The following HECA variants were observed in gnomAD, a reference collection of about 807,000 sequenced individuals.
HECA encodes HECA ribonucleoprotein granule regulator.
In HECA, 13 loss-of-function variants were observed where a neutral mutation model predicts 37.6. The observed-to-expected ratio is 0.35, with a 90% CI of 0.23 to 0.55. HECA has a LOEUF of 0.55. Ranked by LOEUF, HECA falls within the 20% of genes least tolerant of loss-of-function variation. The probability of loss-of-function intolerance (pLI) is 0.90; values close to 1 mark genes in which losing one functional copy is unlikely to be tolerated. For missense variants in HECA, 527 were observed against 701.9 expected (o/e 0.75, Z 2.82); for synonymous variants, 307 against 291.5 (o/e 1.05, Z -0.54).
Position 139,178,338 on chromosome 6 carries a change from C to T in HECA, c.*1233C>T, listed in dbSNP as rs185007344. On this transcript the variant is annotated 3_prime_UTR_variant, in exon 4 of 4. Transcript: ENST00000367658. Reference sequence around the variant, plus strand: ...GATTTTAATGCTTTAAATAGACTGACGTCGCATACCCTTATAGAATTGGAA... The same window carrying T: ...GATTTTAATGCTTTAAATAGACTGATGTCGCATACCCTTATAGAATTGGAA... The T allele has an allele frequency of 2.0e-5, 3 of 152,176 alleles. No homozygotes were observed. Among genetic ancestry groups the T allele is most frequent in the Admixed American group, 6.5e-5 (1 of 15,286 alleles). The allele number at this position is 152,176 out of a possible 1,614,324, so 9.4% of individuals were successfully genotyped here.
intron 1 of HECA, among the ~76,000 whole-genome samples, chr6:139,150,572 T>C (rs1774638468): frequency 6.6e-6 from 1 of 150,564 alleles, no homozygotes; most frequent in Non-Finnish European, 1.5e-5. Context: ...TTTGGACATA[T>C]GAGTTAGAAT....
At position 139,177,154 on chromosome 6, in the gene HECA, T is replaced by G; in HGVS notation, c.*49T>G. ...CTATTTTATTGATATTATTACTTTA[T>G]TACATATCTTTTATAGGGAAACATT... is the stretch of plus-strand genomic sequence containing the variant. On this transcript the variant is annotated 3_prime_UTR_variant, in exon 4 of 4. Transcript: ENST00000367658. The surrounding 1 kb of genome is among the most constrained non-coding windows in gnomAD (Gnocchi z 4.9). The G allele has an allele frequency of 1.4e-6, 1 of 735,836 alleles. No homozygotes were observed. The highest frequency in any genetic ancestry group is 2.4e-6 in the Non-Finnish European group (1 of 423,672). 45.6% of individuals were successfully genotyped at this position (735,836 alleles called of 1,614,324 possible).
chr6:139,146,828 A>G (rs1367607699), intron 1 of HECA, among the ~76,000 whole-genome samples: 1 of 152,218 alleles, frequency 6.6e-6, no homozygotes, highest in African/African-American at 2.4e-5. Context: ...TACATGTCAC[A>G]GTGACTTTCT....
intron 1 of HECA, among the ~76,000 whole-genome samples, chr6:139,145,628 A>T (rs1257945162): frequency 6.6e-6 from 1 of 152,202 alleles, no homozygotes; most frequent in African/African-American, 2.4e-5. Context: ...AATTAAATTG[A>T]CAAGAGACAG....
chr6:139,170,187 A>G (rs1429416223), intron 2 of HECA: 5 of 152,198 alleles, frequency 3.3e-5, no homozygotes, highest in African/African-American at 1.2e-4. Flanking sequence ...GAAGATGAAT[A>G]TGGGTACAGC....
intron 1 of HECA, among the ~76,000 whole-genome samples, chr6:139,143,274 T>C (rs922492074): frequency 6.6e-6 from 1 of 152,208 alleles, no homozygotes; most frequent in Non-Finnish European, 1.5e-5. Flanking sequence ...GCCTGGCAGA[T>C]ATGAGCCCTG....
intron 1 of HECA, chr6:139,151,374 T>G (rs1457033161): frequency 6.6e-6 from 1 of 152,232 alleles, no homozygotes; most frequent in Non-Finnish European, 1.5e-5. Flanking sequence ...TTTATTGATT[T>G]AAATACAGTA....
At chr6:139,136,780 G>A (rs1285211430) in intron 1 of HECA, among the ~76,000 whole-genome samples, 1 of 151,944 alleles carries the variant, frequency 6.6e-6, no homozygotes, top group Non-Finnish European at 1.5e-5. Flanking sequence ...GATTACAGGC[G>A]CCCGCCACCA....
chr6:139,166,039 A>C (rs969933702), intron 1 of HECA: 23 of 400,672 alleles, frequency 5.7e-5, no homozygotes, highest in Non-Finnish European at 9.7e-5. Flanking sequence ...TATTCAGGAC[A>C]ACCTAAAGCT....
chr6:139,140,339 G>A (rs973354706), intron 1 of HECA, among the ~76,000 whole-genome samples: 1 of 152,190 alleles, frequency 6.6e-6, no homozygotes, highest in African/African-American at 2.4e-5. Flanking sequence ...CTAGAAGTCA[G>A]TTTTTTGGGT....
At chr6:139,145,158 A>G (rs1388565047) in intron 1 of HECA, among the ~76,000 whole-genome samples, 2 of 152,246 alleles carry the variant, frequency 1.3e-5, no homozygotes, top group Non-Finnish European at 2.9e-5. Context: ...GCTATTTTGT[A>G]CAGAGTGACT....
At chr6:139,166,011 G>A (rs1423957886) in intron 1 of HECA, 3 of 342,986 alleles carry the variant, frequency 8.7e-6, no homozygotes, top group Non-Finnish European at 1.6e-5. Context: ...GACCGTCTAT[G>A]TTCCAGCGGC....
At chr6:139,157,884 T>A (rs934787777) in intron 1 of HECA, among the ~76,000 whole-genome samples, 1 of 152,116 alleles carries the variant, frequency 6.6e-6, no homozygotes, top group Non-Finnish European at 1.5e-5. Flanking sequence ...GGGGTGAATA[T>A]AATAACACTG....
In HECA at chr6:139,167,376, A is replaced by G. The variant is rs373143043; in HGVS notation, c.1312+52A>G. On this transcript the variant is annotated intron_variant, in intron 2 of 3. Coordinates refer to ENST00000367658, the MANE Select transcript of HECA (RefSeq NM_016217.3). ...CTTTCTGTTTGTTAAAAACCAAACA[A>G]CAAACAAGACAGATTGCTCTATTTT... 2.6e-5 allele frequency: 36 copies of G among 1,371,814 alleles called. No homozygotes were observed. In the African/African-American group the frequency reaches 4.4e-4, roughly 17 times the overall value. The allele number at this position is 1,371,814 out of a possible 1,614,324, so 85.0% of individuals were successfully genotyped here.
intron 1 of HECA, chr6:139,166,019 G>T (rs1166793113): frequency 1.7e-5 from 6 of 353,836 alleles, no homozygotes; most frequent in Non-Finnish European, 3.0e-5. Flanking sequence ...ATGTTCCAGC[G>T]GCTTTCTGGT....
intron 1 of HECA, among the ~76,000 whole-genome samples, chr6:139,165,391 A>G (rs956406529): frequency 1.3e-5 from 2 of 152,140 alleles, no homozygotes; most frequent in Non-Finnish European, 2.9e-5. Flanking sequence ...CAATTGATGA[A>G]CCTACATTTA....
chr6:139,147,596 C>A (rs367900011), intron 1 of HECA, among the ~76,000 whole-genome samples: 1 of 152,096 alleles, frequency 6.6e-6, no homozygotes. Flanking sequence ...GGTGACAGAA[C>A]GAGATGCTGT....
chr6:139,136,785 C>T (rs2114428781), intron 1 of HECA, among the ~76,000 whole-genome samples: 1 of 152,234 alleles, frequency 6.6e-6, no homozygotes, highest in African/African-American at 2.4e-5. Context: ...CAGGCGCCCG[C>T]CACCACGCCC....
chr6:139,157,617 C>A (rs1426513450), intron 1 of HECA, among the ~76,000 whole-genome samples: 1 of 152,168 alleles, frequency 6.6e-6, no homozygotes, highest in Admixed American at 6.5e-5. Context: ...ACTTCTTGCC[C>A]CTCATAAGCC....
Sources: allele counts gnomAD v4.1 joint callset (sites outside exome capture counted in the v4.1 genomes callset), GRCh38; gene constraint gnomAD v4.1.1; non-coding constraint Gnocchi (gnomAD v3.1); transcripts MANE v1.5; gene names NCBI Gene and HGNC (gene_info 2026-07-23, HGNC 2026-07-21).